Variants in ATR observed in about 807,000 individuals in gnomAD.
ATR encodes the protein ATR checkpoint kinase.
ATR carries 142 observed loss-of-function variants against 305.3 expected under a neutral mutation model. The ratio of observed to expected loss-of-function variants is 0.47; its 90% CI spans 0.41 to 0.53. The LOEUF is 0.53. Ranked by LOEUF, ATR falls within the 20% of genes least tolerant of loss-of-function variation. ATR has a pLI of 0.00. For synonymous variants in ATR, 1,050 were observed against 1,068.1 expected (o/e 0.98, Z 0.33); for missense variants, 2,135 against 3,133.1 (o/e 0.68, Z 7.60).
rs558955623 is a variant in ATR at position 142,457,593 on chromosome 3, T to G, written c.7655+11A>C. The G allele has an allele frequency of 6.2e-7, 1 of 1,613,760 alleles. No individual in the cohort carries two copies. Among genetic ancestry groups the G allele is most frequent in the African/African-American group, 1.3e-5 (1 of 74,936 alleles). On this transcript the variant is annotated intron_variant, in intron 45 of 46. Transcript: ENST00000350721. The stretch of plus-strand genomic sequence containing the variant: ...TTACTGTTAAATTATTTACAAAGTA[T>G]AGGTGATTACCTCATTAAAGGCTCT...
chr3:142,475,034 C>G (rs112568347), intron 36 of ATR, among the ~76,000 whole-genome samples: 2,724 of 152,002 alleles, frequency 0.018, 29 homozygotes, highest in South Asian at 0.041. Context: ...AAAGGTTAGA[C>G]TAGATTAATG....
At chr3:142,457,360 A>T (rs1270682553) in intron 45 of ATR, among the ~76,000 whole-genome samples, 1 of 152,158 alleles carries the variant, frequency 6.6e-6, no homozygotes, top group East Asian at 1.9e-4. Flanking sequence ...GGGCTGATGA[A>T]AATGTTTTAA....
At chr3:142,560,504 G>A in intron 5 of ATR, 50 bp from the exon 6 acceptor site, 1 of 1,523,118 alleles carries the variant, frequency 6.6e-7, no homozygotes, top group Non-Finnish European at 9.1e-7. Context: ...TATAAATTTG[G>A]TTAAAACATG....
chr3:142,488,651 T>C (rs2031096962), intron 35 of ATR, among the ~76,000 whole-genome samples: 1 of 152,190 alleles, frequency 6.6e-6, no homozygotes, highest in African/African-American at 2.4e-5. Flanking sequence ...GGAAACACGG[T>C]AAAGGGTAGA....
At chr3:142,561,184 TA>T in intron 5 of ATR, 58 bp downstream of exon 5, 1 of 1,569,640 alleles carries the variant, frequency 6.4e-7, no homozygotes, top group East Asian at 2.2e-5. Flanking sequence ...AGCTGATTTT[TA>T]AAAGTGAACA....
At chr3:142,457,893 T>C (rs2070940997) in intron 44 of ATR, 138 bp from the exon 45 acceptor site, 1 of 992,290 alleles carries the variant, frequency 1.0e-6, no homozygotes, top group East Asian at 2.6e-5. Flanking sequence ...ACTTTAGAAG[T>C]TTGTAACATG....
intron 30 of ATR, among the ~76,000 whole-genome samples, chr3:142,501,195 G>A (rs1358125469): frequency 2.0e-5 from 3 of 152,218 alleles, no homozygotes. Flanking sequence ...AAATCAGGAG[G>A]CTCTATGTAT....
chr3:142,452,893 TAAAC>T (rs2070823488), intron 46 of ATR: 1 of 1,364,328 alleles, frequency 7.3e-7, no homozygotes, highest in South Asian at 1.5e-5. Context: ...TGTCTATGGT[TAAAC>T]AAGTGTGCCA....
At chr3:142,491,548 C>A (rs969351129) in intron 35 of ATR, among the ~76,000 whole-genome samples, 1 of 152,158 alleles carries the variant, frequency 6.6e-6, no homozygotes, top group Non-Finnish European at 1.5e-5. Flanking sequence ...GTCTTACATA[C>A]TAGAATAAAT....
At chr3:142,496,958 T>C in intron 33 of ATR, 55 bp downstream of exon 33, 1 of 1,546,904 alleles carries the variant, frequency 6.5e-7, no homozygotes, top group Non-Finnish European at 8.8e-7. Flanking sequence ...CCAAATAATA[T>C]CCAAATACCA....
intron 3 of ATR, among the ~76,000 whole-genome samples, chr3:142,564,067 T>C (rs1172171095): frequency 6.6e-6 from 1 of 152,178 alleles, no homozygotes; most frequent in African/African-American, 2.4e-5. Context: ...CCAGCACAAA[T>C]ATTACAACTT....
At chr3:142,462,615 C>T (rs191260747) in intron 41 of ATR, among the ~76,000 whole-genome samples, 13 of 152,004 alleles carry the variant, frequency 8.6e-5, no homozygotes, top group Admixed American at 3.9e-4. Context: ...ACTATAGGTG[C>T]CTGCCACCAC....
chr3:142,534,125 T>C (rs921016870), intron 21 of ATR, among the ~76,000 whole-genome samples: 2 of 152,090 alleles, frequency 1.3e-5, no homozygotes, highest in Non-Finnish European at 2.9e-5. Flanking sequence ...ATTAAAAGGC[T>C]AAAAGTCCTT....
chr3:142,538,355 A>T, intron 19 of ATR, 127 bp downstream of exon 19: 1 of 983,084 alleles, frequency 1.0e-6, no homozygotes, highest in Non-Finnish European at 1.5e-6. Flanking sequence ...CATGCCAATT[A>T]CTTTTGTTTA....
At chr3:142,497,874 A>T (rs2031737136) in intron 32 of ATR, among the ~76,000 whole-genome samples, 1 of 152,144 alleles carries the variant, frequency 6.6e-6, no homozygotes, top group Non-Finnish European at 1.5e-5. Flanking sequence ...AGAGTGATGG[A>T]AACTTTGATA....
rs766548734 is a variant in ATR at position 142,469,330 on chromosome 3, C to CT, written c.6552+6dup. Reference sequence around the variant, plus strand: ...TTTTCATATAAAAAGGTAAAAGACCCTTTTACCTTTGACACAGCTGTCATC... The same window carrying CT: ...TTTTCATATAAAAAGGTAAAAGACCCTTTTTACCTTTGACACAGCTGTCATC... On this transcript the variant is annotated splice_region_variant and intron_variant, in intron 38 of 46. Transcript: ENST00000350721. The CT allele has an allele frequency of 2.9e-5, 47 of 1,607,440 alleles. No homozygotes were observed. The highest frequency in any genetic ancestry group is 3.8e-5 in the Non-Finnish European group (45 of 1,174,764).
chr3:142,522,351 G>A (rs1460793227), intron 23 of ATR, among the ~76,000 whole-genome samples: 1 of 152,062 alleles, frequency 6.6e-6, no homozygotes, highest in Non-Finnish European at 1.5e-5. Context: ...TTATTGTGGT[G>A]GTCTGGAACT....
At chr3:142,534,161 G>A (rs1050813394) in intron 21 of ATR, among the ~76,000 whole-genome samples, 6 of 152,082 alleles carry the variant, frequency 3.9e-5, no homozygotes, top group Non-Finnish European at 8.8e-5. Context: ...CCAGGTAAAG[G>A]TATGGGGCTA....
intron 17 of ATR, 95 bp from the exon 18 acceptor site, chr3:142,541,129 G>T (rs1314476944): frequency 1.4e-6 from 2 of 1,455,470 alleles, no homozygotes; most frequent in South Asian, 1.2e-5. Context: ...CCAGTATCAG[G>T]GTGTCATCTA....
Sources: allele counts gnomAD v4.1 joint callset (sites outside exome capture counted in the v4.1 genomes callset), GRCh38; gene constraint gnomAD v4.1.1; transcripts MANE v1.5; gene names NCBI Gene and HGNC (gene_info 2026-07-23, HGNC 2026-07-21).